Variants in MAF observed in about 807,000 individuals in gnomAD.
The protein encoded by MAF is MAF bZIP transcription factor, also known as transcription factor Maf.
In MAF, 10 loss-of-function variants were observed where a neutral mutation model predicts 22.0. The ratio of observed to expected loss-of-function variants is 0.45; its 90% confidence interval spans 0.28 to 0.77. MAF has a LOEUF of 0.77. MAF is among the 30% of genes least tolerant of loss of function. MAF has a pLI of 0.12. For missense variants in MAF, 544 were observed against 548.4 expected, an observed-to-expected ratio of 0.99 and a Z score of 0.08; for synonymous variants, 337 against 255.8, an observed-to-expected ratio of 1.32 and a Z score of -3.03.
chr16:79,445,702 C>A, the MAF span, among the ~76,000 whole-genome samples: 1 of 152,186 alleles, frequency 6.6e-6, no homozygotes, highest in African/African-American at 2.4e-5. Flanking sequence ...TGATTGACAG[C>A]AAAGGACCAG....
chr16:79,594,672 A>G (rs1398514333), intron 1 of MAF, 119 bp from the exon 2 acceptor site: 7 of 1,511,868 alleles, frequency 4.6e-6, no homozygotes, highest in Non-Finnish European at 6.2e-6. Flanking sequence ...GACTTATTGT[A>G]ATGAATGGCA....
the MAF span, among the ~76,000 whole-genome samples, chr16:79,374,602 G>C: frequency 1.3e-5 from 2 of 152,118 alleles, no homozygotes; most frequent in Admixed American, 6.5e-5. Context: ...TGCTATTATA[G>C]GACTGCCACA....
the MAF span, among the ~76,000 whole-genome samples, chr16:79,224,427 G>A: frequency 6.6e-6 from 1 of 152,108 alleles, no homozygotes; most frequent in African/African-American, 2.4e-5. Context: ...AAAACTGGAA[G>A]CATGCCTTTT....
At chr16:79,410,976 T>A in the MAF span, among the ~76,000 whole-genome samples, 1 of 152,204 alleles carries the variant, frequency 6.6e-6, no homozygotes, top group Non-Finnish European at 1.5e-5. Context: ...GACTTTTCCT[T>A]AGATATCGGT....
the MAF span, among the ~76,000 whole-genome samples, chr16:79,480,341 C>A: frequency 6.7e-6 from 1 of 150,150 alleles, no homozygotes; most frequent in Non-Finnish European, 1.5e-5. Context: ...TTTTTTCATT[C>A]TTTTGCAAAA....
the MAF span, among the ~76,000 whole-genome samples, chr16:79,335,403 G>C: frequency 1.3e-5 from 2 of 152,310 alleles, no homozygotes; most frequent in South Asian, 2.1e-4. Context: ...AAGAAGAAGA[G>C]CTAAGTCAAG....
chr16:79,575,805 TAG>T, the MAF span, among the ~76,000 whole-genome samples: 1 of 152,170 alleles, frequency 6.6e-6, no homozygotes, highest in Non-Finnish European at 1.5e-5. Flanking sequence ...CCTGAAAGCA[TAG>T]TTTTTATATC....
intron 1 of MAF, among the ~76,000 whole-genome samples, chr16:79,588,629 C>T (rs7193362): frequency 0.77 from 116,057 of 151,616 alleles, 44,641 homozygotes; most frequent in East Asian, 0.9. Flanking sequence ...GTCCTGCTAA[C>T]TTATGTATTT....
At chr16:79,408,377 T>C in the MAF span, among the ~76,000 whole-genome samples, 1 of 152,150 alleles carries the variant, frequency 6.6e-6, no homozygotes, top group Non-Finnish European at 1.5e-5. Flanking sequence ...GGTTTCGCCA[T>C]GTTGTTCAGG....
chr16:79,462,735 C>T, the MAF span, among the ~76,000 whole-genome samples: 9 of 152,228 alleles, frequency 5.9e-5, no homozygotes, highest in Admixed American at 5.9e-4. Context: ...CCCATGCTCT[C>T]TGGCCTTTGG....
At chr16:79,422,102 G>A in the MAF span, among the ~76,000 whole-genome samples, 1 of 152,164 alleles carries the variant, frequency 6.6e-6, no homozygotes, top group Non-Finnish European at 1.5e-5. Context: ...CTTAATGAGA[G>A]CATGATAAAG....
chr16:79,538,465 G>T, the MAF span, among the ~76,000 whole-genome samples: 1 of 152,140 alleles, frequency 6.6e-6, no homozygotes, highest in African/African-American at 2.4e-5. Context: ...AAGAAAGTAT[G>T]GGGGAAGAAT....
At chr16:79,432,507 G>A in the MAF span, among the ~76,000 whole-genome samples, 1 of 152,060 alleles carries the variant, frequency 6.6e-6, no homozygotes, top group African/African-American at 2.4e-5. Context: ...TTAAATAAAA[G>A]TTATATGAAT....
At chr16:79,528,006 G>A in the MAF span, among the ~76,000 whole-genome samples, 1 of 152,166 alleles carries the variant, frequency 6.6e-6, no homozygotes, top group Non-Finnish European at 1.5e-5. Flanking sequence ...AGCCGGGCGT[G>A]TTGGTGCGCA....
At chr16:79,590,981 G>C (rs1225207748), downstream of MAF, among the ~76,000 whole-genome samples, 2 of 151,994 alleles carry the variant, frequency 1.3e-5, no homozygotes, top group East Asian at 3.9e-4. Context: ...GCAACTATAG[G>C]TTGCAAAAAG....
At chr16:79,553,620 C>T in the MAF span, among the ~76,000 whole-genome samples, 107 of 152,324 alleles carry the variant, frequency 7.0e-4, no homozygotes, top group African/African-American at 2.4e-3. Context: ...GGTACAAGCT[C>T]GCTCCCAAAA....
At chr16:79,594,615 G>C (rs763502790) in intron 1 of MAF, 62 bp from the exon 2 acceptor site, 326 of 1,541,904 alleles carry the variant, frequency 2.1e-4, no homozygotes, top group Non-Finnish European at 2.8e-4. Flanking sequence ...CAGCGTAAAG[G>C]GGAAAGCTAG....
the MAF span, among the ~76,000 whole-genome samples, chr16:79,360,167 A>T: frequency 6.6e-6 from 1 of 152,080 alleles, no homozygotes; most frequent in Non-Finnish European, 1.5e-5. Flanking sequence ...CCTGTTTCCA[A>T]GCTTGTGATG....
chr16:79,353,717 C>G, the MAF span, among the ~76,000 whole-genome samples: 2 of 152,072 alleles, frequency 1.3e-5, no homozygotes, highest in Admixed American at 6.6e-5. Context: ...GGGTAAGGGA[C>G]TTGGCTAATA....
Sources: gnomAD v4.1 joint callset for allele counts (sites outside exome capture counted in the v4.1 genomes callset) on GRCh38, gnomAD v4.1.1 for gene constraint, MANE v1.5 for transcripts, NCBI Gene and HGNC (gene_info 2026-07-23, HGNC 2026-07-21) for gene names.